The following F5 variants were observed in gnomAD, a reference collection of about 807,000 sequenced individuals.
F5 encodes the protein coagulation factor V.
A neutral mutation model predicts 216.4 loss-of-function variants in F5; 138 were observed. The ratio of observed to expected loss-of-function variants is 0.64; its 90% CI spans 0.56 to 0.73. The LOEUF is 0.73. F5 is among the 30% of genes least tolerant of loss of function. The pLI, the probability that F5 is intolerant of heterozygous loss-of-function variation, is 0.00. For missense variants in F5, 2,403 were observed against 2,674.0 expected (o/e 0.90, Z 2.24); for synonymous variants, 916 against 930.7 (o/e 0.98, Z 0.29).
chr1:169,584,161 C>G (rs1379227274), intron 1 of F5, among the ~76,000 whole-genome samples: 1 of 152,186 alleles, frequency 6.6e-6, no homozygotes, highest in African/African-American at 2.4e-5. Context: ...ATATCAGTCT[C>G]TTACGTGGAG....
At chr1:169,563,580 A>C (rs901807010) in intron 3 of F5, among the ~76,000 whole-genome samples, 1 of 151,764 alleles carries the variant, frequency 6.6e-6, no homozygotes, top group African/African-American at 2.4e-5. Context: ...TTCCTTTCAC[A>C]GTGTCTAATG....
At chr1:169,521,689 C>T (rs1035392065) in intron 21 of F5, among the ~76,000 whole-genome samples, 1 of 137,438 alleles carries the variant, frequency 7.3e-6, no homozygotes, top group African/African-American at 2.7e-5. Context: ...GGCGTGATCT[C>T]GGCTCACTGC....
At chr1:169,517,065 T>C (rs1659175649) in intron 23 of F5, among the ~76,000 whole-genome samples, 3 of 152,292 alleles carry the variant, frequency 2.0e-5, no homozygotes, top group East Asian at 1.9e-4. Context: ...ATGTAAATTA[T>C]ATAAATGTAA....
chr1:169,586,360 C>G lies in F5; in HGVS notation c.27G>C (p.Trp9Cys). MFPGCPRL[W>C]VLVVLGTSWV... ...AGCTGGTGCCCAAGACCACCAGGAC[C>G]CAGAGGCGTGGGCAGCCTGGGAACA... The change falls in exon 1 of 25, where the codon TGG becomes TGC. Residue 9 changes from tryptophan (W) to cysteine (C), a missense_variant. Coordinates refer to ENST00000367797, the MANE Select transcript of F5 (RefSeq NM_000130.5). 6.2e-7 allele frequency: 1 copy of G among 1,613,922 alleles called. No individual in the cohort carries two copies. Among genetic ancestry groups the G allele is most frequent in the South Asian group, 1.1e-5 (1 of 91,078 alleles).
At chr1:169,553,543 C>T (rs1244822011) in intron 7 of F5, among the ~76,000 whole-genome samples, 2 of 152,154 alleles carry the variant, frequency 1.3e-5, no homozygotes, top group East Asian at 3.9e-4. Flanking sequence ...CCCATCTCTA[C>T]TAAAAATACA....
At chr1:169,555,891 A>G (rs1660310660) in intron 6 of F5, among the ~76,000 whole-genome samples, 1 of 152,310 alleles carries the variant, frequency 6.6e-6, no homozygotes, top group South Asian at 2.1e-4. Context: ...TGTGAAAAGA[A>G]ACAGAAATGA....
intron 14 of F5, 32 bp from the exon 15 acceptor site, chr1:169,531,054 A>C: frequency 6.5e-7 from 1 of 1,536,172 alleles, no homozygotes. Flanking sequence ...AAATGTACTT[A>C]AGCTTAACAA....
At chr1:169,559,649 C>T (rs1190656115) in intron 4 of F5, among the ~76,000 whole-genome samples, 2 of 151,628 alleles carry the variant, frequency 1.3e-5, no homozygotes, top group Non-Finnish European at 2.9e-5. Flanking sequence ...AAGCATCATG[C>T]CCCAAGTTTA....
chr1:169,579,244 C>A (rs1453235234), intron 2 of F5, among the ~76,000 whole-genome samples: 3 of 152,268 alleles, frequency 2.0e-5, no homozygotes, highest in Middle Eastern at 3.4e-3. Flanking sequence ...CCCTTTGCCT[C>A]CAGGATAACA....
chr1:169,518,367 T>G lies in F5; in HGVS notation c.6345+45A>C, dbSNP rs772316521. 1.9e-6 allele frequency: 3 copies of G among 1,612,180 alleles called. No homozygotes were observed. The Admixed American group carries it at 5.0e-5, about 27-fold the overall frequency. Reference sequence around the variant, plus strand: ...TTTGTGGTAGTGAGGGCCTTTGCTTTCTTCTGGAGCCCTAAGAGAACACCA... The same window carrying G: ...TTTGTGGTAGTGAGGGCCTTTGCTTGCTTCTGGAGCCCTAAGAGAACACCA... On this transcript the variant is annotated intron_variant, in intron 23 of 24. Coordinates refer to ENST00000367797, the MANE Select transcript of F5 (RefSeq NM_000130.5).
chr1:169,540,275 AG>A lies in F5; in HGVS notation c.4796+18del, dbSNP rs1557914059. Reference sequence around the variant, plus strand: ...AGTAATGGAAAAATGAGAATAAAAAAGGAGAAAACTGGCCAAACCTTTGTAC... The same window carrying A: ...AGTAATGGAAAAATGAGAATAAAAAAGAGAAAACTGGCCAAACCTTTGTAC... On this transcript the variant is annotated intron_variant, in intron 13 of 24. Transcript: ENST00000367797. 1.9e-6 allele frequency: 3 copies of A among 1,613,158 alleles called. No homozygotes were observed. The South Asian group carries it at 3.3e-5, about 18-fold the overall frequency.
At chr1:169,572,441 C>G (rs1660747863) in intron 2 of F5, 98 bp from the exon 3 acceptor site, 1 of 1,428,104 alleles carries the variant, frequency 7.0e-7, no homozygotes, top group South Asian at 1.2e-5. Flanking sequence ...AGAGTGATTG[C>G]TACCATTCCT....
rs758553526 is a variant in F5, at chr1:169,514,377, A to G, written c.6611T>C (p.Ile2204Thr). 2.5e-6 allele frequency: 4 copies of G among 1,613,308 alleles called. 1 individual carries two copies. The South Asian group carries it at 3.3e-5, about 13-fold the overall frequency. The change falls in exon 25 of 25, where the codon ATT becomes ACT. Residue 2204 changes from isoleucine (I) to threonine (T), a missense_variant. Physicochemically the swap from Ile to Thr is moderately conservative, Grantham distance 89 (BLOSUM62 -1). Transcript: ENST00000367797. ...PPIISRFIRV[I>T]PKTWNQSIAL... Reference sequence around the variant, plus strand: ...AATACTTTGATTCCATGTTTTAGGAATGACACGGATAAACCTGGAAATGAT... The same window carrying G: ...AATACTTTGATTCCATGTTTTAGGAGTGACACGGATAAACCTGGAAATGAT...
At chr1:169,575,236 T>C (rs1660817151) in intron 2 of F5, among the ~76,000 whole-genome samples, 1 of 152,136 alleles carries the variant, frequency 6.6e-6, no homozygotes, top group Admixed American at 6.5e-5. Context: ...TAGAGTAGCG[T>C]GCGCAAAGGC....
intron 7 of F5, among the ~76,000 whole-genome samples, chr1:169,553,485 A>G (rs1049741572): frequency 1.8e-4 from 27 of 152,278 alleles, no homozygotes; most frequent in Admixed American, 4.6e-4. Context: ...GAGGCGGGCA[A>G]ATCACGAGGT....
Position 169,552,715 on chromosome 1 carries a change from A to G in F5, c.1138T>C (p.Leu380=). The G allele has an allele frequency of 6.2e-7, 1 of 1,611,424 alleles. No homozygotes were observed. The highest frequency in any genetic ancestry group is 8.5e-7 in the Non-Finnish European group (1 of 1,178,942). The change falls in exon 8 of 25, where the codon TTG becomes CTG. Residue 380 remains leucine, a synonymous_variant. Transcript: ENST00000367797. The part of the protein sequence containing the change: ...NMDKKYRSQH[L]DNFSNQIGKH... ...CCAATTTGGTTTGAGAAATTATCCA[A>G]ATGCTGAGACCTGTATTTTCTTAAA...
Position 169,546,298 on chromosome 1 carries a change from C to T in F5, c.1762+144G>A, listed in dbSNP as rs6672595. 0.24 allele frequency: 237,609 copies of T among 993,338 alleles called. 29,929 individuals carry two copies. Among genetic ancestry groups the T allele is most frequent in the Admixed American group, 0.38 (18,336 of 48,564 alleles). The allele number at this position is 993,338 out of a possible 1,614,324, so 61.5% of individuals were successfully genotyped here. A position where few individuals can be genotyped will look rare whatever the true frequency, so the allele number is the denominator to read the frequency against. On this transcript the variant is annotated intron_variant, in intron 11 of 24. Coordinates refer to ENST00000367797, the MANE Select transcript of F5 (RefSeq NM_000130.5). ...TTGCTATGATGTCACCCACGGATTT[C>T]ATCACCAAGTCTTTGGACTGGAAGT...
At chr1:169,551,707 A>G (rs1660171052) in intron 8 of F5, among the ~76,000 whole-genome samples, 1 of 152,224 alleles carries the variant, frequency 6.6e-6, no homozygotes, top group Non-Finnish European at 1.5e-5. Flanking sequence ...CCTATCTTCT[A>G]TTTGGTTGAT....
rs1443456661 is a variant in F5, at chr1:169,540,443, G to A, written c.4647C>T (p.Pro1549=). The A allele has an allele frequency of 1.2e-6, 2 of 1,613,962 alleles. No individual in the cohort carries two copies. The highest frequency in any genetic ancestry group is 2.2e-5 in the South Asian group (2 of 91,072). Residue 1549 remains proline, a synonymous_variant, in exon 13 of 25, where the codon CCC becomes CCT. Coordinates refer to ENST00000367797, the MANE Select transcript of F5 (RefSeq NM_000130.5). The part of the protein sequence containing the change: ...AEIDYVPYDD[P]YKTDVRTNIN... ...TGTTTGTCCTAACATCAGTTTTGTA[G>A]GGGTCATCATAGGGCACATAATCAA...
Sources: gnomAD v4.1 joint callset for allele counts (sites outside exome capture counted in the v4.1 genomes callset) on GRCh38, gnomAD v4.1.1 for gene constraint, MANE v1.5 for transcripts, NCBI Gene and HGNC (gene_info 2026-07-23, HGNC 2026-07-21) for gene names.